Variants in ETFA observed in about 807,000 individuals in gnomAD.
ETFA encodes electron transfer flavoprotein subunit alpha.
In ETFA, 22 loss-of-function variants were observed where a neutral mutation model predicts 46.2. That is an observed-to-expected ratio of 0.48 (90% confidence interval 0.34 to 0.68). The LOEUF is 0.68. Among genes scored for constraint, ETFA ranks in the 30% least tolerant of loss-of-function variants. The pLI is 0.01. For synonymous variants in ETFA, 131 were observed against 139.9 expected, an observed-to-expected ratio of 0.94 and a Z score of 0.45; for missense variants, 345 against 401.1, an observed-to-expected ratio of 0.86 and a Z score of 1.19.
chr15:76,259,346 A>G, intron 9 of ETFA: 1 of 1,591,746 alleles, frequency 6.3e-7, no homozygotes, highest in Non-Finnish European at 8.6e-7. Flanking sequence ...GCTTGGGGTC[A>G]GCACTCCAGC....
chr15:76,263,823 C>A (rs894595081), intron 9 of ETFA, among the ~76,000 whole-genome samples: 1 of 152,144 alleles, frequency 6.6e-6, no homozygotes, highest in Non-Finnish European at 1.5e-5. Context: ...GTGTGAGAAA[C>A]AGCTACCGGA....
At chr15:76,278,880 G>A (rs2039621976) in intron 8 of ETFA, among the ~76,000 whole-genome samples, 1 of 152,206 alleles carries the variant, frequency 6.6e-6, no homozygotes, top group South Asian at 2.1e-4. Flanking sequence ...TCCCTCAGGG[G>A]AGAATTACTG....
At chr15:76,309,240 G>A (rs966406067) in intron 1 of ETFA, among the ~76,000 whole-genome samples, 3 of 152,190 alleles carry the variant, frequency 2.0e-5, no homozygotes, top group African/African-American at 7.2e-5. Context: ...ATGAGGTCAG[G>A]AGATCGAGAC....
intron 9 of ETFA, among the ~76,000 whole-genome samples, chr15:76,257,787 G>C (rs2039359884): frequency 6.6e-6 from 1 of 151,904 alleles, no homozygotes; most frequent in Non-Finnish European, 1.5e-5. Context: ...AACAATGATA[G>C]ACTGGATTAA....
rs556225824 is a variant in ETFA at position 76,284,032 on chromosome 15, T to C, written c.665-207A>G. ...CTACTATGATTACCTAGTTAACTAATTGTGTAATTAATATGAGTTTTTTTC... is the reference window on the plus strand; with the variant it reads ...CTACTATGATTACCTAGTTAACTAACTGTGTAATTAATATGAGTTTTTTTC... On this transcript the variant is annotated intron_variant, in intron 7 of 11. Transcript: ENST00000557943. Among the ~76,000 whole-genome samples, 9 of 152,334 alleles carry C rather than the reference T, an allele frequency of 5.9e-5. No individual in the cohort carries two copies. In the East Asian group the frequency reaches 1.5e-3, roughly 26 times the overall value.
At chr15:76,224,116 T>C (rs532072763) in intron 11 of ETFA, among the ~76,000 whole-genome samples, 9 of 152,338 alleles carry the variant, frequency 5.9e-5, no homozygotes, top group African/African-American at 2.2e-4. Context: ...AAATAATATT[T>C]ACCCCCTATT....
chr15:76,217,581 C>G (rs1280157240), intron 11 of ETFA: 1 of 454,578 alleles, frequency 2.2e-6, no homozygotes, highest in African/African-American at 2.0e-5. Flanking sequence ...GGATTAATTA[C>G]TAACCCTTAG....
chr15:76,281,016 G>A (rs1362202106), intron 8 of ETFA, among the ~76,000 whole-genome samples: 1 of 142,514 alleles, frequency 7.0e-6, no homozygotes, highest in Admixed American at 7.4e-5. Context: ...CATGGTTCAA[G>A]TGATCCTGCC....
At position 76,288,716 on chromosome 15, in the gene ETFA, GA is replaced by G. The variant is rs201904436; in HGVS notation, c.352-772del. ...GACAGAGCGAGACTCTGCCTCAAAAGAAAAAAAAAAAAAAGGAAAAGAATAA... is the reference window on the plus strand; with the variant it reads ...GACAGAGCGAGACTCTGCCTCAAAAGAAAAAAAAAAAAAGGAAAAGAATAA... On this transcript the variant is annotated intron_variant, in intron 4 of 11. Coordinates refer to ENST00000557943, the MANE Select transcript of ETFA (RefSeq NM_000126.4). Among the ~76,000 whole-genome samples, 211 of 116,752 alleles carry G rather than the reference GA, an allele frequency of 1.8e-3. 2 individuals are homozygous for G. The highest frequency in any genetic ancestry group is 4.2e-3 in the African/African-American group (133 of 31,790). 76.6% of individuals were successfully genotyped at this position (116,752 alleles called of 152,430 possible).
chr15:76,298,796 G>A (rs1294894772), intron 1 of ETFA, among the ~76,000 whole-genome samples: 2 of 151,884 alleles, frequency 1.3e-5, no homozygotes, highest in African/African-American at 2.4e-5. Context: ...AAATAGCATT[G>A]TCAGAAAGAA....
At chr15:76,300,336 C>A (rs543477499) in intron 1 of ETFA, among the ~76,000 whole-genome samples, 1 of 152,234 alleles carries the variant, frequency 6.6e-6, no homozygotes, top group Admixed American at 6.5e-5. Context: ...TCCTCCAGCC[C>A]CTTCCCCATA....
rs1039411803 is a variant in ETFA, at chr15:76,261,082, T to C, written c.816+13330A>G. 3.9e-5 allele frequency: 60 copies of C among 1,528,492 alleles called. No homozygotes were observed. In the African/African-American group the frequency reaches 7.7e-4, roughly 20 times the overall value. The allele number at this position is 1,528,492 out of a possible 1,614,324, so 94.7% of individuals were successfully genotyped here. On this transcript the variant is annotated intron_variant, in intron 9 of 11. Coordinates refer to ENST00000557943, the MANE Select transcript of ETFA (RefSeq NM_000126.4). Reference sequence around the variant, plus strand: ...GCTATGCGAGAAGAGGCCAGGCATTTTAGGCTGTGAACTTCACAGGAAAAC... The same window carrying C: ...GCTATGCGAGAAGAGGCCAGGCATTCTAGGCTGTGAACTTCACAGGAAAAC...
intron 8 of ETFA, among the ~76,000 whole-genome samples, chr15:76,277,382 C>T (rs539767663): frequency 2.0e-5 from 3 of 152,082 alleles, no homozygotes; most frequent in African/African-American, 4.8e-5. Context: ...GTCCCCTTGT[C>T]GGAAGCATGA....
intron 9 of ETFA, chr15:76,260,667 G>A (rs2039400804): frequency 1.9e-6 from 3 of 1,580,490 alleles, no homozygotes; most frequent in South Asian, 1.1e-5. Flanking sequence ...AGGGCCCTCG[G>A]GGATCACTTC....
chr15:76,227,958 G>A, intron 10 of ETFA: 1 of 456,036 alleles, frequency 2.2e-6, no homozygotes, highest in Non-Finnish European at 4.4e-6. Context: ...CAATAAACAA[G>A]TTTCAAACGT....
chr15:76,225,973 T>C, intron 10 of ETFA, 44 bp from the exon 11 acceptor site: 1 of 1,115,032 alleles, frequency 9.0e-7, no homozygotes, highest in South Asian at 1.2e-5. Flanking sequence ...CAAGAAAACA[T>C]TTCACACAGA....
rs112233448 is a variant in ETFA, at chr15:76,225,712, A to C, written c.963+137T>G. ...CTTTAAGTAGGTCAAAATTGTGTAC[A>C]TATATTAACAGTATACATACAAACA... On this transcript the variant is annotated intron_variant, in intron 11 of 11. Coordinates refer to ENST00000557943, the MANE Select transcript of ETFA (RefSeq NM_000126.4). 3 of 728,122 alleles carry C rather than the reference A, an allele frequency of 4.1e-6. 1 individual carries two copies. The highest frequency in any genetic ancestry group is 3.0e-5 in the South Asian group (2 of 66,300). The allele number at this position is 728,122 out of a possible 1,614,324, so 45.1% of individuals were successfully genotyped here. A position where few individuals can be genotyped will look rare whatever the true frequency, so the allele number is the denominator to read the frequency against.
chr15:76,284,791 G>T (rs748452896), intron 7 of ETFA: 1 of 268,798 alleles, frequency 3.7e-6, no homozygotes, highest in East Asian at 1.6e-4. Context: ...CGCGCTGGGC[G>T]TAGTGGCACA....
chr15:76,227,911 GA>G (rs1292491227), intron 10 of ETFA: 11 of 455,936 alleles, frequency 2.4e-5, no homozygotes, highest in African/African-American at 4.0e-5. Flanking sequence ...CTAATCCAGA[GA>G]AACATGCTAC....
Sources: gnomAD v4.1 joint callset for allele counts (sites outside exome capture counted in the v4.1 genomes callset) on GRCh38, gnomAD v4.1.1 for gene constraint, MANE v1.5 for transcripts, NCBI Gene and HGNC (gene_info 2026-07-23, HGNC 2026-07-21) for gene names.